WDR55: variants seen among roughly 807,000 people sequenced by gnomAD.
WDR55 encodes the protein WD repeat-containing protein 55.
WDR55 carries 31 observed loss-of-function variants against 34.0 expected under a neutral mutation model. The observed-to-expected ratio is 0.91, with a 90% CI of 0.69 to 1.23. The LOEUF (loss-of-function observed/expected upper bound fraction) is 1.23. WDR55 is among the 50% of genes most tolerant of loss of function. The pLI, the probability that WDR55 is intolerant of heterozygous loss-of-function variation, is 0.00. For synonymous variants in WDR55, 164 were observed against 185.9 expected (o/e 0.88, Z 0.96); for missense variants, 440 against 494.6 (o/e 0.89, Z 1.05).
In WDR55 at chr5:140,669,886, A is replaced by G; in HGVS notation, c.*232A>G. 2.1e-6 allele frequency: 1 copy of G among 471,648 alleles called. No individual in the cohort carries two copies. The allele number at this position is 471,648 out of a possible 1,614,324, so 29.2% of individuals were successfully genotyped here. A position where few individuals can be genotyped will look rare whatever the true frequency, so the allele number is the denominator to read the frequency against. On this transcript the variant is annotated 3_prime_UTR_variant, in exon 7 of 7. Transcript: ENST00000358337. ...TGGGACTACAGGTGTGCACTACCAC[A>G]CCAGGCCAATTTTTGTTTTTTTTTT...
chr5:140,664,912 C>A lies in WDR55; in HGVS notation c.-1C>A, dbSNP rs745462622. ...CGGCGCGGCTCGCAGTCCTTCTCAG[C>A]ATGGACCGCACTTGTGAGGAGAGGC... is the stretch of plus-strand genomic sequence containing the variant. On this transcript the variant is annotated 5_prime_UTR_variant, in exon 1 of 7. Coordinates refer to ENST00000358337, the MANE Select transcript of WDR55 (RefSeq NM_017706.5). The A allele has an allele frequency of 1.3e-6, 2 of 1,597,440 alleles. No individual in the cohort carries two copies. The highest frequency in any genetic ancestry group is 1.7e-6 in the Non-Finnish European group (2 of 1,172,416).
rs1757984492 is a variant in WDR55 at position 140,668,778 on chromosome 5, C to T, written c.547C>T (p.Leu183=). The change falls in exon 4 of 7, where the codon CTG becomes TTG. Residue 183 remains leucine, a synonymous_variant. Transcript: ENST00000358337. Reference sequence around the variant, plus strand: ...GGCTCTGGATCCAGCCAAAAAGCTGCTGCTGACAGCCAGGTACAACTTCAA... The same window carrying T: ...GGCTCTGGATCCAGCCAAAAAGCTGTTGCTGACAGCCAGGTACAACTTCAA... ...DMALDPAKKL[L]LTASGDGCLG... 1 of 1,613,666 alleles carries T rather than the reference C, an allele frequency of 6.2e-7. No individual in the cohort carries two copies. Among genetic ancestry groups the T allele is most frequent in the Non-Finnish European group, 8.5e-7 (1 of 1,179,776 alleles).
rs2251860 is a variant in WDR55, at chr5:140,668,624, T to C, written c.393T>C (p.Asn131=). 0.46 allele frequency: 742,171 copies of C among 1,613,320 alleles called. 173,144 individuals carry two copies. Among genetic ancestry groups the C allele is most frequent in the African/African-American group, 0.66 (49,276 of 74,956 alleles). The part of the protein sequence containing the change: ...RVSKAHGAPI[N]SLLLVDENVL... ...TCTGTGTCTCTAGTGCCCCCATCAA[T>C]AGTCTTCTGCTGGTGGATGAGAATG... The change falls in exon 4 of 7, where the codon AAT becomes AAC. Residue 131 remains asparagine, a synonymous_variant. Coordinates refer to ENST00000358337, the MANE Select transcript of WDR55 (RefSeq NM_017706.5).
In WDR55 at chr5:140,669,763, C is replaced by T. The variant is rs1051001639; in HGVS notation, c.*109C>T. 61 of 1,193,860 alleles carry T rather than the reference C, an allele frequency of 5.1e-5. No homozygotes were observed. Among genetic ancestry groups the T allele is most frequent in the Non-Finnish European group, 6.4e-5 (55 of 859,974 alleles). 74.0% of individuals were successfully genotyped at this position (1,193,860 alleles called of 1,614,324 possible). On this transcript the variant is annotated 3_prime_UTR_variant, in exon 7 of 7. Transcript: ENST00000358337. Reference sequence around the variant, plus strand: ...ATTTTTTGAAAAGACAGGGTTTTGCCATCGTCCAGGCTGGAGTGCGCTGGC... The same window carrying T: ...ATTTTTTGAAAAGACAGGGTTTTGCTATCGTCCAGGCTGGAGTGCGCTGGC...
At position 140,670,195 on chromosome 5, in the gene WDR55, TTTTTGTG is replaced by T. The variant is rs1429903728; in HGVS notation, c.*542_*548del. The T allele has an allele frequency of 6.5e-6, 1 of 152,878 alleles. No homozygotes were observed. Among genetic ancestry groups the T allele is most frequent in the African/African-American group, 2.5e-5 (1 of 40,768 alleles). 9.5% of individuals were successfully genotyped at this position (152,878 alleles called of 1,614,324 possible). A position where few individuals can be genotyped will look rare whatever the true frequency, so the allele number is the denominator to read the frequency against. Reference sequence around the variant, plus strand: ...GGCATCTGCCACCATGCTTGACTAATTTTTGTGATTTTTTTTTGGTAGAGACCAGGGG... The same window carrying T: ...GGCATCTGCCACCATGCTTGACTAATATTTTTTTTTGGTAGAGACCAGGGG... On this transcript the variant is annotated 3_prime_UTR_variant, in exon 7 of 7. Coordinates refer to ENST00000358337, the MANE Select transcript of WDR55 (RefSeq NM_017706.5).
Position 140,668,630 on chromosome 5 carries a change from T to C in WDR55, c.399T>C (p.Leu133=). The C allele has an allele frequency of 6.2e-7, 1 of 1,613,854 alleles. No individual in the cohort carries two copies. The highest frequency in any genetic ancestry group is 8.5e-7 in the Non-Finnish European group (1 of 1,179,836). ...TCTCTAGTGCCCCCATCAATAGTCT[T>C]CTGCTGGTGGATGAGAATGTTCTGG... ...SKAHGAPINS[L]LLVDENVLAT... is the part of the protein sequence containing the mutation. The change falls in exon 4 of 7, where the codon CTT becomes CTC. Residue 133 remains leucine (L), a synonymous_variant. Coordinates refer to ENST00000358337, the MANE Select transcript of WDR55 (RefSeq NM_017706.5).
In WDR55 at chr5:140,668,674, G is replaced by A. The variant is rs749732696; in HGVS notation, c.443G>A (p.Gly148Asp). 26 of 1,614,190 alleles carry A rather than the reference G, an allele frequency of 1.6e-5. No individual in the cohort carries two copies. The South Asian group carries it at 2.9e-4, about 18-fold the overall frequency. ...GTTCTGGCCACTGGGGATGACACAG[G>A]TGGTATCTGTCTCTGGGACCAGCGG... is the stretch of plus-strand genomic sequence containing the variant. ...ENVLATGDDT[G>D]GICLWDQRKE... The change falls in exon 4 of 7, where the codon GGT becomes GAT. Residue 148 changes from glycine to aspartate, a missense_variant. Coordinates refer to ENST00000358337, the MANE Select transcript of WDR55 (RefSeq NM_017706.5).
At position 140,671,985 on chromosome 5, in the gene WDR55, G is replaced by T. The variant is rs1236014548; in HGVS notation, c.*2331G>T. The T allele has an allele frequency of 1.8e-5, 11 of 606,786 alleles. No homozygotes were observed. Among genetic ancestry groups the T allele is most frequent in the South Asian group, 1.4e-4 (7 of 50,532 alleles). The allele number at this position is 606,786 out of a possible 1,614,324, so 37.6% of individuals were successfully genotyped here. A position where few individuals can be genotyped will look rare whatever the true frequency, so the allele number is the denominator to read the frequency against. ...GAAGTACTGGTTAATTGCAGGCTTT[G>T]TCTGCCTCATAACCATCATAATGGC... On this transcript the variant is annotated 3_prime_UTR_variant, in exon 7 of 7. Transcript: ENST00000358337.
chr5:140,669,898 T>G lies in WDR55; in HGVS notation c.*244T>G, dbSNP rs1253614428. The G allele has an allele frequency of 2.3e-6, 1 of 442,826 alleles. No homozygotes were observed. Among genetic ancestry groups the G allele is most frequent in the Non-Finnish European group, 4.0e-6 (1 of 249,828 alleles). The allele number at this position is 442,826 out of a possible 1,614,324, so 27.4% of individuals were successfully genotyped here. On this transcript the variant is annotated 3_prime_UTR_variant, in exon 7 of 7. Transcript: ENST00000358337. ...TGTGCACTACCACACCAGGCCAATT[T>G]TTGTTTTTTTTTTTTGGTAGAAACG...
Position 140,664,972 on chromosome 5 carries a change from C to G in WDR55, c.60C>G (p.Asp20Glu). 1 of 1,613,514 alleles carries G rather than the reference C, an allele frequency of 6.2e-7. No homozygotes were observed. The highest frequency in any genetic ancestry group is 8.5e-7 in the Non-Finnish European group (1 of 1,179,782). ...ATGGGAGCGACGAGGAGGACCCAGA[C>G]TCCATGGAAGCCCCAACCCGGATCC... is the stretch of plus-strand genomic sequence containing the variant. ...AEDGSDEEDP[D>E]SMEAPTRIRD... The change falls in exon 1 of 7, where the codon GAC becomes GAG. Residue 20 changes from aspartate to glutamate, a missense_variant. Transcript: ENST00000358337.
At chr5:140,668,108 G>A in intron 1 of WDR55, 126 bp from the exon 2 acceptor site, 4 of 1,046,278 alleles carry the variant, frequency 3.8e-6, no homozygotes, top group Non-Finnish European at 5.3e-6. Flanking sequence ...TAAACTTTTT[G>A]GGCTTAGAGG....
At chr5:140,668,167 T>TG in intron 1 of WDR55, 67 bp from the exon 2 acceptor site, 1 of 1,500,196 alleles carries the variant, frequency 6.7e-7, no homozygotes, top group African/African-American at 1.4e-5. Context: ...TCTGTCTAGT[T>TG]GGTCTCTGCA....
At chr5:140,666,597 G>T (rs1757931013) in intron 1 of WDR55, 2 of 984,734 alleles carry the variant, frequency 2.0e-6, no homozygotes, top group Non-Finnish European at 2.4e-6. Flanking sequence ...TGAATGGTTG[G>T]TAACCATATG....
rs141183092 is a variant in WDR55 at position 140,671,335 on chromosome 5, C to T, written c.*1681C>T. The T allele has an allele frequency of 6.2e-7, 1 of 1,612,780 alleles. No homozygotes were observed. Among genetic ancestry groups the T allele is most frequent in the African/African-American group, 1.3e-5 (1 of 74,936 alleles). ...TACCTGCCTCAGCCCCAGCAGACCA[C>T]AGGAGGTTGGCCCCAGACTCACTGA... On this transcript the variant is annotated 3_prime_UTR_variant, in exon 7 of 7. Coordinates refer to ENST00000358337, the MANE Select transcript of WDR55 (RefSeq NM_017706.5).
At position 140,665,084 on chromosome 5, in the gene WDR55, G is replaced by T; in HGVS notation, c.172G>T (p.Val58Leu). 1 of 1,603,440 alleles carries T rather than the reference G, an allele frequency of 6.2e-7. No individual in the cohort carries two copies. Among genetic ancestry groups the T allele is most frequent in the Non-Finnish European group, 8.5e-7 (1 of 1,173,580 alleles). The change falls in exon 1 of 7, where the codon GTG becomes TTG. Residue 58 changes from valine (V) to leucine (L), a missense_variant. Coordinates refer to ENST00000358337, the MANE Select transcript of WDR55 (RefSeq NM_017706.5). ...CCGTGACCTACTGGCTGCAGGGGACGTGGACGGGGACGTGTTCGTGTGAGA... is the reference window on the plus strand; with the variant it reads ...CCGTGACCTACTGGCTGCAGGGGACTTGGACGGGGACGTGTTCGTGTGAGA... ...PARDLLAAGD[V>L]DGDVFVFSYS...
chr5:140,666,075 T>C (rs991254097), intron 1 of WDR55, among the ~76,000 whole-genome samples: 2 of 151,962 alleles, frequency 1.3e-5, no homozygotes, highest in Non-Finnish European at 2.9e-5. Context: ...GCCCTGACCA[T>C]CTGTGCTCAT....
chr5:140,669,525 GGGA>G lies in WDR55; in HGVS notation c.1027_1029del (p.Gly343del). 6.2e-7 allele frequency: 1 copy of G among 1,614,024 alleles called. No individual in the cohort carries two copies. Among genetic ancestry groups the G allele is most frequent in the Non-Finnish European group, 8.5e-7 (1 of 1,179,960 alleles). ...ATGACTACCGTCGGCGCAAAAAAAA[GGGA>G]GGACCACTGCGGGCTCTGAGCAGCA... On this transcript the variant is annotated inframe_deletion, in exon 7 of 7. Coordinates refer to ENST00000358337, the MANE Select transcript of WDR55 (RefSeq NM_017706.5).
chr5:140,666,153 T>G (rs928185423), intron 1 of WDR55, among the ~76,000 whole-genome samples: 2 of 152,094 alleles, frequency 1.3e-5, no homozygotes, highest in Non-Finnish European at 2.9e-5. Context: ...TCCCAGCACT[T>G]TGGGAGACCA....
chr5:140,668,375 A>G lies in WDR55; in HGVS notation c.293-40A>G, dbSNP rs570371409. The G allele has an allele frequency of 1.4e-5, 22 of 1,614,184 alleles. No individual in the cohort carries two copies. The South Asian group carries it at 2.3e-4, about 17-fold the overall frequency. On this transcript the variant is annotated intron_variant, in intron 2 of 6. Transcript: ENST00000358337. ...GACAACCAGCAATGTGGTGGAAGGG[A>G]GCAGTGAGCAGCACCATGACCTGGG...
Sources: gnomAD v4.1 joint callset for allele counts (sites outside exome capture counted in the v4.1 genomes callset) on GRCh38, gnomAD v4.1.1 for gene constraint, MANE v1.5 for transcripts, NCBI Gene and HGNC (gene_info 2026-07-23, HGNC 2026-07-21) for gene names.